The following TRIM71 variants were observed in gnomAD, a reference collection of about 807,000 sequenced individuals.
The protein encoded by TRIM71 is tripartite motif containing 71.
A neutral mutation model predicts 61.2 loss-of-function variants in TRIM71; 9 were observed. The ratio of observed to expected loss-of-function variants is 0.15; its 90% CI spans 0.09 to 0.26. The LOEUF (loss-of-function observed/expected upper bound fraction) is 0.26, where lower values mean the gene tolerates loss of function less well. Among genes scored for constraint, TRIM71 ranks in the 10% least tolerant of loss-of-function variants. TRIM71 has a pLI of 1.00. For missense variants in TRIM71, 998 were observed against 1,238.7 expected (o/e 0.81, Z 2.92); for synonymous variants, 645 against 553.2 (o/e 1.17, Z -2.33).
At chr3:32,861,224 C>A (rs2125685099) in intron 1 of TRIM71, among the ~76,000 whole-genome samples, 1 of 151,330 alleles carries the variant, frequency 6.6e-6, no homozygotes, top group East Asian at 2.0e-4. Context: ...GTTGCCCAGG[C>A]CAGAGTGCAG....
intron 1 of TRIM71, among the ~76,000 whole-genome samples, chr3:32,857,825 G>T (rs369860498): frequency 2.3e-4 from 35 of 152,256 alleles, no homozygotes; most frequent in African/African-American, 7.9e-4. Context: ...ACAAAAATTA[G>T]CCGGGTGTGG....
At chr3:32,830,399 A>G (rs1696256257) in intron 1 of TRIM71, among the ~76,000 whole-genome samples, 1 of 152,158 alleles carries the variant, frequency 6.6e-6, no homozygotes, top group Admixed American at 6.5e-5. Flanking sequence ...TATTACCAGA[A>G]CGATAATTTA....
intron 1 of TRIM71, among the ~76,000 whole-genome samples, chr3:32,851,565 G>A (rs1424142505): frequency 1.3e-5 from 2 of 151,954 alleles, no homozygotes; most frequent in East Asian, 3.9e-4. Flanking sequence ...TGCTACCGTC[G>A]CCTCCCAGGT....
chr3:32,878,564 G>A (rs1442018051), intron 2 of TRIM71, among the ~76,000 whole-genome samples: 1 of 152,154 alleles, frequency 6.6e-6, no homozygotes, highest in East Asian at 1.9e-4. Flanking sequence ...GCAGTGAGCT[G>A]AGATTGCACC....
chr3:32,874,324 TTACTACTACTACTACTAC>T (rs34214588), intron 2 of TRIM71, among the ~76,000 whole-genome samples: 15 of 121,488 alleles, frequency 1.2e-4, no homozygotes, highest in South Asian at 2.5e-4. Flanking sequence ...TTAATGCTTA[TTACTACTACTACTACTAC>T]TACTACTACT....
chr3:32,843,504 A>C (rs1696434928), intron 1 of TRIM71, among the ~76,000 whole-genome samples: 1 of 152,080 alleles, frequency 6.6e-6, no homozygotes, highest in Non-Finnish European at 1.5e-5. Flanking sequence ...AGCACATTTA[A>C]TCTTTATTAG....
intron 1 of TRIM71, among the ~76,000 whole-genome samples, chr3:32,853,226 C>T (rs1290897104): frequency 3.3e-5 from 5 of 151,756 alleles, no homozygotes; most frequent in African/African-American, 9.7e-5. Context: ...AAGCGATTCT[C>T]CTGCCTCAGC....
At chr3:32,851,416 C>T (rs1277279259) in intron 1 of TRIM71, among the ~76,000 whole-genome samples, 1 of 152,158 alleles carries the variant, frequency 6.6e-6, no homozygotes, top group Non-Finnish European at 1.5e-5. Context: ...GAAGACTTAG[C>T]GTTGTCCTCC....
At chr3:32,822,966 A>G (rs1696158355) in intron 1 of TRIM71, among the ~76,000 whole-genome samples, 1 of 152,214 alleles carries the variant, frequency 6.6e-6, no homozygotes, top group Non-Finnish European at 1.5e-5. Flanking sequence ...AGGAAGGACA[A>G]GGAGAGAAAG....
At chr3:32,822,836 G>A (rs540918282) in intron 1 of TRIM71, among the ~76,000 whole-genome samples, 1 of 152,204 alleles carries the variant, frequency 6.6e-6, no homozygotes, top group African/African-American at 2.4e-5. Flanking sequence ...GCGATCAGAT[G>A]TAACTAAGTT....
intron 1 of TRIM71, among the ~76,000 whole-genome samples, chr3:32,838,171 T>C (rs9832642): frequency 0.34 from 52,414 of 152,028 alleles, 9,941 homozygotes; most frequent in African/African-American, 0.51. Flanking sequence ...TGGATAATGA[T>C]GTACATGTAG....
At position 32,873,810 on chromosome 3, in the gene TRIM71, GT is replaced by G. The variant is rs1458741521; in HGVS notation, c.853-7del. ...TCCATTTATGCCTGTACCCTCTCTT[GT>G]CCCCAGGTGCTGCACCTGTACTGTG... On this transcript the variant is annotated splice_region_variant and splice_polypyrimidine_tract_variant and intron_variant, in intron 1 of 3. Coordinates refer to ENST00000383763, the MANE Select transcript of TRIM71 (RefSeq NM_001039111.3). 1.3e-6 allele frequency: 2 copies of G among 1,553,016 alleles called. No individual in the cohort carries two copies. The highest frequency in any genetic ancestry group is 1.8e-6 in the Non-Finnish European group (2 of 1,141,598).
At chr3:32,880,728 T>C (rs1476809396) in intron 2 of TRIM71, among the ~76,000 whole-genome samples, 1 of 152,242 alleles carries the variant, frequency 6.6e-6, no homozygotes, top group African/African-American at 2.4e-5. Context: ...TTCTGTTACT[T>C]TCACTTTGCT....
chr3:32,821,360 C>T (rs1383414795), intron 1 of TRIM71, among the ~76,000 whole-genome samples: 1 of 152,080 alleles, frequency 6.6e-6, no homozygotes, highest in Non-Finnish European at 1.5e-5. Flanking sequence ...CAGAGTAGCA[C>T]CTTTTCCTTA....
intron 1 of TRIM71, among the ~76,000 whole-genome samples, chr3:32,866,069 G>A (rs912329999): frequency 4.0e-5 from 6 of 151,512 alleles, no homozygotes; most frequent in African/African-American, 1.5e-4. Context: ...CCAGTGATCT[G>A]CCTGCCTCAG....
rs79102938 is a variant in TRIM71 at position 32,882,257 on chromosome 3, TAGAA to T, written c.1021-3674_1021-3671del. Among the ~76,000 whole-genome samples, 2,114 of 152,220 alleles carry T rather than the reference TAGAA, an allele frequency of 0.014. 131 individuals carry two copies. The East Asian group carries it at 0.21, about 15-fold the overall frequency. On this transcript the variant is annotated intron_variant, in intron 2 of 3. Transcript: ENST00000383763. ...GCAAGTAGTATGACATTAATATTAATAGAAAGCAGTTTGCCACCTCTGCTTTCTA... is the reference window on the plus strand; with the variant it reads ...GCAAGTAGTATGACATTAATATTAATAGCAGTTTGCCACCTCTGCTTTCTA...
At chr3:32,873,408 C>T (rs755880290) in intron 1 of TRIM71, among the ~76,000 whole-genome samples, 4 of 152,180 alleles carry the variant, frequency 2.6e-5, no homozygotes, top group South Asian at 2.1e-4. Context: ...TACATTCTTA[C>T]ATCCAGGCCA....
At chr3:32,882,404 G>A (rs781412038) in intron 2 of TRIM71, among the ~76,000 whole-genome samples, 3 of 152,004 alleles carry the variant, frequency 2.0e-5, no homozygotes, top group Non-Finnish European at 2.9e-5. Flanking sequence ...GAGGGTGCCG[G>A]TTACTAAGTT....
chr3:32,880,958 C>A (rs898417766), intron 2 of TRIM71, among the ~76,000 whole-genome samples: 1 of 151,886 alleles, frequency 6.6e-6, no homozygotes, highest in Non-Finnish European at 1.5e-5. Context: ...AAGAAACCCA[C>A]GGACAATTTA....
Sources: allele counts gnomAD v4.1 joint callset (sites outside exome capture counted in the v4.1 genomes callset), GRCh38; gene constraint gnomAD v4.1.1; transcripts MANE v1.5; gene names NCBI Gene and HGNC (gene_info 2026-07-23, HGNC 2026-07-21).